COL5A2: variants seen among roughly 807,000 people sequenced by gnomAD.
COL5A2 encodes the protein collagen alpha-2(V) chain.
COL5A2 carries 23 observed loss-of-function variants against 208.2 expected under a neutral mutation model. The observed-to-expected ratio is 0.11, with a 90% CI of 0.08 to 0.16. The LOEUF (loss-of-function observed/expected upper bound fraction) is 0.16, where lower values mean the gene tolerates loss of function less well. COL5A2 is among the 10% of genes least tolerant of loss of function. The probability of loss-of-function intolerance (pLI) is 1.00; values close to 1 mark genes in which losing one functional copy is unlikely to be tolerated. For missense variants in COL5A2, 1,590 were observed against 1,956.4 expected (o/e 0.81, Z 3.53); for synonymous variants, 625 against 628.5 (o/e 0.99, Z 0.08).
chr2:189,279,693 C>A, the COL5A2 span, among the ~76,000 whole-genome samples: 5,883 of 152,036 alleles, frequency 0.039, 127 homozygotes, highest in Admixed American at 0.051. Flanking sequence ...ACAAAAATTG[C>A]TGAATTGAAC....
At chr2:189,398,680 G>T in the COL5A2 span, among the ~76,000 whole-genome samples, 1 of 152,110 alleles carries the variant, frequency 6.6e-6, no homozygotes, top group East Asian at 1.9e-4. Context: ...GAGTAGCAGA[G>T]CAAAATATTT....
chr2:189,036,989 T>C (rs990889786), intron 51 of COL5A2, among the ~76,000 whole-genome samples, 186 bp from the exon 52 acceptor site: 3 of 152,160 alleles, frequency 2.0e-5, no homozygotes, highest in African/African-American at 4.8e-5. Flanking sequence ...CTAGTCGCTA[T>C]TGTAAGGCAC....
chr2:189,358,400 T>C, the COL5A2 span, among the ~76,000 whole-genome samples: 2 of 152,206 alleles, frequency 1.3e-5, no homozygotes, highest in Admixed American at 6.5e-5. Flanking sequence ...TTTTCAAGTA[T>C]TGATTTTAAG....
Position 189,098,810 on chromosome 2 carries a change from A to T in COL5A2, c.370-51T>A, listed in dbSNP as rs747935038. The T allele has an allele frequency of 7.3e-6, 10 of 1,361,176 alleles. No individual in the cohort carries two copies. The Admixed American group carries it at 1.3e-4, about 18-fold the overall frequency. The allele number at this position is 1,361,176 out of a possible 1,614,324, so 84.3% of individuals were successfully genotyped here. On this transcript the variant is annotated intron_variant, in intron 4 of 53. Transcript: ENST00000374866. ...AAAGGTAAAGTTTCTGCAGATATTC[A>T]GAGAGGTCAATAGTAACAAATAAGA...
At chr2:189,061,034 A>T (rs1489590374) in intron 30 of COL5A2, among the ~76,000 whole-genome samples, 1 of 152,182 alleles carries the variant, frequency 6.6e-6, no homozygotes, top group African/African-American at 2.4e-5. Context: ...AAAAGAGATA[A>T]TGTAACAGGA....
chr2:189,209,466 C>T lies in COL5A2; in HGVS notation c.-42+15682G>A, dbSNP rs141818065. Reference sequence around the variant, plus strand: ...GTTCTAAGTTCCATAATCCCCATGACAGAGGTACTATACTTATTTCCATTT... The same window carrying T: ...GTTCTAAGTTCCATAATCCCCATGATAGAGGTACTATACTTATTTCCATTT... On this transcript the variant is annotated intron_variant, in intron 1 of 10. Transcript: ENST00000649966. Among the ~76,000 whole-genome samples, 8 of 152,262 alleles carry T rather than the reference C, an allele frequency of 5.3e-5. No homozygotes were observed. The East Asian group carries it at 1.5e-3, about 29-fold the overall frequency.
At chr2:189,311,792 C>A in the COL5A2 span, 160 of 904,990 alleles carry the variant, frequency 1.8e-4, 1 homozygote, top group African/African-American at 2.4e-3. Flanking sequence ...TCACATTGGA[C>A]CTGGATGTCT....
At chr2:189,346,160 T>C in the COL5A2 span, among the ~76,000 whole-genome samples, 1 of 152,222 alleles carries the variant, frequency 6.6e-6, no homozygotes, top group African/African-American at 2.4e-5. Context: ...TGAGCAACTA[T>C]AGGCCGCTTG....
chr2:189,250,549 T>TCCTTCC, the COL5A2 span, among the ~76,000 whole-genome samples: 1 of 152,114 alleles, frequency 6.6e-6, no homozygotes, highest in Admixed American at 6.5e-5. Context: ...TTCTGCAACC[T>TCCTTCC]CCTTCCCTCC....
At chr2:189,143,568 G>A (rs550582828) in intron 1 of COL5A2, among the ~76,000 whole-genome samples, 3 of 152,078 alleles carry the variant, frequency 2.0e-5, no homozygotes, top group South Asian at 2.1e-4. Context: ...GTATTAATTC[G>A]ACAACTAGGT....
chr2:189,048,739 G>A (rs1020515679), intron 44 of COL5A2, among the ~76,000 whole-genome samples: 1 of 151,694 alleles, frequency 6.6e-6, no homozygotes, highest in Non-Finnish European at 1.5e-5. Context: ...ATCAAAAATT[G>A]TTCCAAAGGC....
chr2:189,196,262 A>G (rs1688999810), intron 1 of COL5A2, among the ~76,000 whole-genome samples: 1 of 151,896 alleles, frequency 6.6e-6, no homozygotes, highest in Non-Finnish European at 1.5e-5. Context: ...TGTTTCTGAT[A>G]AGAAATTTCA....
At chr2:189,344,443 A>G in the COL5A2 span, among the ~76,000 whole-genome samples, 33 of 152,162 alleles carry the variant, frequency 2.2e-4, no homozygotes, top group African/African-American at 8.0e-4. Context: ...TTCCTGTTCA[A>G]TAGCAATGAG....
At chr2:189,437,298 G>A in the COL5A2 span, among the ~76,000 whole-genome samples, 3 of 152,148 alleles carry the variant, frequency 2.0e-5, no homozygotes, top group Non-Finnish European at 4.4e-5. Context: ...TTTTAAAGTA[G>A]TACTTCTCAA....
chr2:189,091,852 A>C (rs1686793184), intron 7 of COL5A2, among the ~76,000 whole-genome samples: 1 of 152,226 alleles, frequency 6.6e-6, no homozygotes, highest in Non-Finnish European at 1.5e-5. Context: ...AAAAACTAAA[A>C]TTGAAGAAAT....
At chr2:189,354,421 T>G in the COL5A2 span, among the ~76,000 whole-genome samples, 2 of 152,140 alleles carry the variant, frequency 1.3e-5, no homozygotes, top group Admixed American at 1.3e-4. Context: ...GGACTTTTTT[T>G]GTTGGTAGGC....
chr2:189,089,982 T>C (rs918503317), intron 7 of COL5A2, among the ~76,000 whole-genome samples: 1 of 152,108 alleles, frequency 6.6e-6, no homozygotes, highest in Non-Finnish European at 1.5e-5. Context: ...AATGTTCAAG[T>C]GAAAGAAAGA....
the COL5A2 span, among the ~76,000 whole-genome samples, chr2:189,402,787 C>CTACAG: frequency 6.7e-6 from 1 of 150,258 alleles, no homozygotes; most frequent in African/African-American, 2.4e-5. Flanking sequence ...GCTCTTTTGG[C>CTACAG]TATAGTATAG....
chr2:189,118,706 A>G lies in COL5A2; in HGVS notation c.98-8257T>C, dbSNP rs190993959. 2.6e-5 allele frequency among the ~76,000 whole-genome samples: 4 copies of G among 152,238 alleles called. No individual in the cohort carries two copies. The East Asian group carries it at 7.7e-4, about 29-fold the overall frequency. ...GAGCTCAGTTCTGGAGGCATGGGTG[A>G]AAGGAGACTAGTGCTGTCATCCCAA... On this transcript the variant is annotated intron_variant, in intron 1 of 53. Coordinates refer to ENST00000374866, the MANE Select transcript of COL5A2 (RefSeq NM_000393.5).
Sources: gnomAD v4.1 joint callset for allele counts (sites outside exome capture counted in the v4.1 genomes callset) on GRCh38, gnomAD v4.1.1 for gene constraint, MANE v1.5 for transcripts, NCBI Gene and HGNC (gene_info 2026-07-23, HGNC 2026-07-21) for gene names.